FAM111A: variants seen among roughly 807,000 people sequenced by gnomAD.
FAM111A encodes FAM111 trypsin like peptidase A, also known as serine protease FAM111A.
A neutral mutation model predicts 3.3 loss-of-function variants in FAM111A; 8 were observed. The observed-to-expected ratio is 2.39, with a 90% CI of 1.40 to 4.32. FAM111A has a LOEUF of 4.32. FAM111A is among the 30% of genes most tolerant of loss of function. The probability of loss-of-function intolerance (pLI) is 0.00; values close to 1 mark genes in which losing one functional copy is unlikely to be tolerated. For missense variants in FAM111A, 683 were observed against 727.6 expected (o/e 0.94, Z 0.71); for synonymous variants, 227 against 243.1 (o/e 0.93, Z 0.62).
chr11:59,153,177 TA>T lies in FAM111A; in HGVS notation c.1515del (p.Ala506GlnfsTer18), dbSNP rs762116864. On this transcript the variant is annotated frameshift_variant, in exon 6 of 6. Coordinates refer to ENST00000675163, the MANE Select transcript of FAM111A (RefSeq NM_001312909.2). LOFTEE classifies it low-confidence loss of function (END_TRUNC). ...AKKCQERVQSKKAESPEYVHM... is the reference protein window; with the variant it reads ...AKKCQERVQSXKAESPEYVHM... ...AGAAATGTCAGGAACGTGTTCAGTC[TA>T]AAAAAGCAGAAAGTCCAGAGTATGT... is the stretch of plus-strand genomic sequence containing the variant. The T allele has an allele frequency of 3.9e-5, 63 of 1,614,182 alleles. No individual in the cohort carries two copies. The highest frequency in any genetic ancestry group is 5.3e-5 in the Non-Finnish European group (63 of 1,180,030).
chr11:59,148,977 G>A, intron 5 of FAM111A, 24 bp downstream of exon 5: 2 of 1,530,158 alleles, frequency 1.3e-6, no homozygotes, highest in Non-Finnish European at 1.8e-6. Context: ...TTCTACTTAT[G>A]TAATCTAGTC....
At chr11:59,145,888 G>A (rs1344771239) in intron 4 of FAM111A, 32 bp downstream of exon 4, 1 of 151,858 alleles carries the variant, frequency 6.6e-6, no homozygotes, top group African/African-American at 2.4e-5. Context: ...ACATTTACAT[G>A]ACCTTTTTAT....
rs768130778 is a variant in FAM111A at position 59,152,383 on chromosome 11, G to C, written c.715G>C (p.Asp239His). The change falls in exon 6 of 6, where the codon GAT becomes CAT. Residue 239 changes from aspartate (D) to histidine (H), a missense_variant. This residue lies in a region of FAM111A where 557 missense variants were observed against 600.2 expected (regional missense o/e 0.93). Coordinates refer to ENST00000675163, the MANE Select transcript of FAM111A (RefSeq NM_001312909.2). ...GRFLSFLENDDWKLIENNDTI... is the reference protein window; with the variant it reads ...GRFLSFLENDHWKLIENNDTI... ...ATTTCTTTCCTTTCTGGAGAATGAT[G>C]ATTGGAAACTCATTGAAAACAATGA... is the stretch of plus-strand genomic sequence containing the variant. 2 of 1,614,136 alleles carry C rather than the reference G, an allele frequency of 1.2e-6. No homozygotes were observed. Among genetic ancestry groups the C allele is most frequent in the Non-Finnish European group, 1.7e-6 (2 of 1,180,018 alleles).
In FAM111A at chr11:59,151,342, G is replaced by A. The variant is rs537224454; in HGVS notation, c.82-408G>A. On this transcript the variant is annotated intron_variant, in intron 5 of 5. Coordinates refer to ENST00000675163, the MANE Select transcript of FAM111A (RefSeq NM_001312909.2). ...ATTTTTGTATTTTCAGTAGAGACGG[G>A]ATTTCACCATGTTGATCATGCTGGT... 5.3e-5 allele frequency among the ~76,000 whole-genome samples: 8 copies of A among 152,302 alleles called. No individual in the cohort carries two copies. In the South Asian group the frequency reaches 1.5e-3, roughly 28 times the overall value.
chr11:59,144,003 A>C (rs919667126), intron 3 of FAM111A: 1 of 152,206 alleles, frequency 6.6e-6, no homozygotes, highest in African/African-American at 2.4e-5. Flanking sequence ...ACTCAATTCT[A>C]ACCAATTCCC....
chr11:59,148,433 C>G (rs1464555948), intron 4 of FAM111A: 1 of 154,366 alleles, frequency 6.5e-6, no homozygotes, highest in Non-Finnish European at 1.4e-5. Context: ...GAAAATTATT[C>G]TATTATTTAT....
chr11:59,150,651 C>T (rs1861537010), intron 5 of FAM111A, among the ~76,000 whole-genome samples: 1 of 152,092 alleles, frequency 6.6e-6, no homozygotes, highest in African/African-American at 2.4e-5. Context: ...ACAAAAATGG[C>T]AATCATAAAT....
At chr11:59,147,557 A>T (rs1346194218) in intron 4 of FAM111A, among the ~76,000 whole-genome samples, 1 of 152,220 alleles carries the variant, frequency 6.6e-6, no homozygotes. Context: ...TCCCAGAGCT[A>T]GTTTTTAAAA....
At position 59,153,694 on chromosome 11, in the gene FAM111A, C is replaced by A; in HGVS notation, c.*190C>A. ...AACAACACTATGAGATGGACTATAACTTGCCCAAATTTTTTTTTTTTTTTT... is the reference window on the plus strand; with the variant it reads ...AACAACACTATGAGATGGACTATAAATTGCCCAAATTTTTTTTTTTTTTTT... On this transcript the variant is annotated 3_prime_UTR_variant, in exon 6 of 6. Coordinates refer to ENST00000675163, the MANE Select transcript of FAM111A (RefSeq NM_001312909.2). The A allele has an allele frequency of 4.1e-6, 2 of 493,616 alleles. No individual in the cohort carries two copies. The highest frequency in any genetic ancestry group is 3.5e-6 in the Non-Finnish European group (1 of 286,124). 30.6% of individuals were successfully genotyped at this position (493,616 alleles called of 1,614,324 possible). A position where few individuals can be genotyped will look rare whatever the true frequency, so the allele number is the denominator to read the frequency against.
intron 4 of FAM111A, among the ~76,000 whole-genome samples, chr11:59,146,869 T>G (rs1478628167): frequency 6.6e-6 from 1 of 152,174 alleles, no homozygotes; most frequent in African/African-American, 2.4e-5. Context: ...TTATAAGACA[T>G]ATAAAGGAAA....
chr11:59,147,903 T>C (rs542216218), intron 4 of FAM111A, among the ~76,000 whole-genome samples: 119 of 152,314 alleles, frequency 7.8e-4, no homozygotes, highest in African/African-American at 2.8e-3. Flanking sequence ...ACCTATCTCA[T>C]AGGGTTGTAA....
Position 59,149,701 on chromosome 11 carries a change from T to A in FAM111A, c.81+748T>A, listed in dbSNP as rs1051031106. ...AATATAGTTTATAAAACAATTTTTT[T>A]AATATATTTGTTCTTACCATAACCT... On this transcript the variant is annotated intron_variant, in intron 5 of 5. Transcript: ENST00000675163. Among the ~76,000 whole-genome samples, 36 of 152,344 alleles carry A rather than the reference T, an allele frequency of 2.4e-4. 1 individual carries two copies. Among genetic ancestry groups the A allele is most frequent in the South Asian group, 1.0e-3 (5 of 4,834 alleles).
intron 5 of FAM111A, among the ~76,000 whole-genome samples, chr11:59,151,077 G>T (rs1410242429): frequency 6.6e-6 from 1 of 151,734 alleles, no homozygotes; most frequent in Non-Finnish European, 1.5e-5. Flanking sequence ...ATTCATTATT[G>T]TCCTCAGGAA....
intron 4 of FAM111A, among the ~76,000 whole-genome samples, chr11:59,146,970 A>G (rs1446898947): frequency 8.5e-5 from 13 of 152,142 alleles, no homozygotes; most frequent in African/African-American, 3.1e-4. Flanking sequence ...GGAAGTGACC[A>G]TTAGCGTTTA....
chr11:59,148,556 A>T (rs1217990849), intron 4 of FAM111A: 1 of 275,572 alleles, frequency 3.6e-6, no homozygotes, highest in Non-Finnish European at 6.9e-6. Flanking sequence ...TAATTTGCAT[A>T]GCATCCGCAG....
chr11:59,152,492 G>T lies in FAM111A; in HGVS notation c.824G>T (p.Ser275Ile), dbSNP rs375633235. Residue 275 changes from serine (S) to isoleucine (I), a missense_variant, in exon 6 of 6, where the codon AGT (serine) becomes ATT (isoleucine). Transcript: ENST00000675163. ...QVEVEKRMVPSAAASQNPESE... is the reference protein window; with the variant it reads ...QVEVEKRMVPIAAASQNPESE... ...GAGGTTGAGAAAAGAATGGTCCCCA[G>T]TGCAGCAGCTTCTCAGAATCCTGAG... The T allele has an allele frequency of 1.1e-5, 18 of 1,613,994 alleles. No homozygotes were observed. The highest frequency in any genetic ancestry group is 4.0e-5 in the African/African-American group (3 of 74,918).
chr11:59,143,235 G>A lies in FAM111A; in HGVS notation c.-375G>A, dbSNP rs993605783. ...CCAAAGTGCTGGATTCCAAGGGACT[G>A]GAAGGGAAAGTCCCTAAAAATCACG... is the stretch of plus-strand genomic sequence containing the variant. On this transcript the variant is annotated 5_prime_UTR_variant, in exon 2 of 6. An upstream open reading frame in the 5' UTR gains an earlier in-frame stop. Coordinates refer to ENST00000675163, the MANE Select transcript of FAM111A (RefSeq NM_001312909.2). 1.1e-4 allele frequency: 16 copies of A among 152,282 alleles called. No individual in the cohort carries two copies. The highest frequency in any genetic ancestry group is 3.6e-4 in the African/African-American group (15 of 41,454). 9.4% of individuals were successfully genotyped at this position (152,282 alleles called of 1,614,324 possible).
chr11:59,153,174 G>C lies in FAM111A; in HGVS notation c.1506G>C (p.Gln502His), dbSNP rs750627440. The change falls in exon 6 of 6, where the codon CAG becomes CAC. Residue 502 changes from glutamine (Q) to histidine (H), a missense_variant. By Grantham distance (24) the Gln-to-His change is conservative (BLOSUM62 0). This residue lies in a region of FAM111A where 557 missense variants were observed against 600.2 expected (regional missense o/e 0.93). Coordinates refer to ENST00000675163, the MANE Select transcript of FAM111A (RefSeq NM_001312909.2). ...CAAAGAAATGTCAGGAACGTGTTCA[G>C]TCTAAAAAAGCAGAAAGTCCAGAGT... Reference protein sequence around the residue: ...QRAKKCQERVQSKKAESPEYV... With the variant: ...QRAKKCQERVHSKKAESPEYV... 6 of 1,614,096 alleles carry C rather than the reference G, an allele frequency of 3.7e-6. No homozygotes were observed. The highest frequency in any genetic ancestry group is 5.1e-6 in the Non-Finnish European group (6 of 1,180,052).
At chr11:59,146,740 G>A (rs980795178) in intron 4 of FAM111A, among the ~76,000 whole-genome samples, 1 of 152,154 alleles carries the variant, frequency 6.6e-6, no homozygotes, top group African/African-American at 2.4e-5. Flanking sequence ...AAGAAATACA[G>A]GGGCTAGAAC....
Sources: allele counts gnomAD v4.1 joint callset (sites outside exome capture counted in the v4.1 genomes callset), GRCh38; gene constraint gnomAD v4.1.1; regional missense constraint gnomAD v4.1.1; transcripts MANE v1.5; gene names NCBI Gene and HGNC (gene_info 2026-07-23, HGNC 2026-07-21).